RHBDD1: variants seen among roughly 807,000 people sequenced by gnomAD.
The protein encoded by RHBDD1 is rhomboid domain containing 1.
In RHBDD1, 38 loss-of-function variants were observed where a neutral mutation model predicts 36.3. The ratio of observed to expected loss-of-function variants is 1.05; its 90% CI spans 0.81 to 1.37. The LOEUF is 1.37. Ranked by LOEUF, RHBDD1 falls within the 40% of genes most tolerant of loss-of-function variation. The probability of loss-of-function intolerance (pLI) is 0.00; values close to 1 mark genes in which losing one functional copy is unlikely to be tolerated. For missense variants in RHBDD1, 393 were observed against 377.6 expected (o/e 1.04, Z -0.34); for synonymous variants, 151 against 136.5 (o/e 1.11, Z -0.74).
At chr2:226,850,310 G>A (rs576772514) in intron 3 of RHBDD1, among the ~76,000 whole-genome samples, 7 of 152,304 alleles carry the variant, frequency 4.6e-5, no homozygotes, top group South Asian at 2.1e-4. Flanking sequence ...GAAACCAGTC[G>A]TAGGAGAGTA....
At chr2:226,914,516 A>T (rs950494017) in intron 8 of RHBDD1, 165 bp downstream of exon 8, 1 of 704,338 alleles carries the variant, frequency 1.4e-6, no homozygotes, top group South Asian at 2.3e-5. Flanking sequence ...GTGTGATGCC[A>T]TATTCCCAGC....
chr2:226,906,944 A>T (rs1191972741), intron 6 of RHBDD1, 63 bp downstream of exon 6: 1 of 1,539,274 alleles, frequency 6.5e-7, no homozygotes, highest in African/African-American at 1.4e-5. Flanking sequence ...TTTAATGTGA[A>T]CAGAAGCAAC....
At chr2:226,836,376 G>A (rs1013947451) in intron 1 of RHBDD1, among the ~76,000 whole-genome samples, 2 of 152,256 alleles carry the variant, frequency 1.3e-5, no homozygotes, top group African/African-American at 4.8e-5. Flanking sequence ...GCCCACACTC[G>A]GAGGAAGGGG....
intron 8 of RHBDD1, among the ~76,000 whole-genome samples, chr2:226,972,599 G>A (rs918246316): frequency 9.2e-5 from 14 of 152,176 alleles, no homozygotes; most frequent in African/African-American, 3.4e-4. Context: ...CGGAGCTTCT[G>A]GGTCAAGGCA....
At chr2:226,896,507 C>G (rs1947106617) in intron 5 of RHBDD1, among the ~76,000 whole-genome samples, 1 of 152,186 alleles carries the variant, frequency 6.6e-6, no homozygotes, top group African/African-American at 2.4e-5. Flanking sequence ...TCCACTGCCA[C>G]CACCTCCTTC....
rs546716189 is a variant in RHBDD1 at position 226,896,591 on chromosome 2, C to T, written c.567-10202C>T. ...CTTCTGCTTAATTTGGCCATTCTTACTTCTCTAGGGTCTGTTCTCTCAGCA... is the reference window on the plus strand; with the variant it reads ...CTTCTGCTTAATTTGGCCATTCTTATTTCTCTAGGGTCTGTTCTCTCAGCA... On this transcript the variant is annotated intron_variant, in intron 5 of 8. Coordinates refer to ENST00000392062, the MANE Select transcript of RHBDD1 (RefSeq NM_001167608.3). Among the ~76,000 whole-genome samples, 273 of 152,290 alleles carry T rather than the reference C, an allele frequency of 1.8e-3. 1 individual carries two copies. Among genetic ancestry groups the T allele is most frequent in the Middle Eastern group, 0.01 (3 of 294 alleles).
At chr2:226,991,410 G>C (rs948136625) in intron 8 of RHBDD1, among the ~76,000 whole-genome samples, 1 of 152,178 alleles carries the variant, frequency 6.6e-6, no homozygotes, top group African/African-American at 2.4e-5. Context: ...TCAATCTCCT[G>C]ACCTCGTGAA....
the RHBDD1 span, among the ~76,000 whole-genome samples, chr2:226,809,851 C>A: frequency 6.6e-6 from 1 of 151,998 alleles, no homozygotes; most frequent in East Asian, 1.9e-4. Flanking sequence ...TAATTTACTG[C>A]AAAAGACAAA....
At chr2:226,829,754 T>C in the RHBDD1 span, among the ~76,000 whole-genome samples, 2 of 152,014 alleles carry the variant, frequency 1.3e-5, no homozygotes, top group Non-Finnish European at 2.9e-5. Context: ...TGCGTGTGTA[T>C]GTATGTGTGT....
chr2:226,897,770 A>T (rs1575005921), intron 5 of RHBDD1, among the ~76,000 whole-genome samples: 1 of 152,264 alleles, frequency 6.6e-6, no homozygotes, highest in Middle Eastern at 3.4e-3. Context: ...CAGGAGTTCG[A>T]GACCAGCCTG....
intron 8 of RHBDD1, among the ~76,000 whole-genome samples, chr2:226,957,100 C>A (rs886374019): frequency 1.3e-5 from 2 of 152,180 alleles, no homozygotes; most frequent in African/African-American, 4.8e-5. Context: ...TGATACTGCC[C>A]ATGGGGGCAG....
intron 8 of RHBDD1, among the ~76,000 whole-genome samples, chr2:226,919,836 A>G (rs1162947802): frequency 2.6e-5 from 4 of 151,926 alleles, no homozygotes; most frequent in Non-Finnish European, 5.9e-5. Flanking sequence ...AAATATTACA[A>G]TTACTTTTTC....
At chr2:226,835,646 G>A (rs2124881219), upstream of RHBDD1, 1 of 152,518 alleles carries the variant, frequency 6.6e-6, no homozygotes, top group East Asian at 1.9e-4. Context: ...AGAGAACCTG[G>A]GCAGAGGCGT....
intron 5 of RHBDD1, among the ~76,000 whole-genome samples, chr2:226,890,970 CT>C (rs1358223395): frequency 6.6e-6 from 1 of 152,132 alleles, no homozygotes; most frequent in Non-Finnish European, 1.5e-5. Context: ...GATTCTGTTT[CT>C]CCCTCCTGGC....
At chr2:226,954,631 C>T (rs1575232641) in intron 8 of RHBDD1, among the ~76,000 whole-genome samples, 4 of 151,824 alleles carry the variant, frequency 2.6e-5, no homozygotes, top group East Asian at 3.9e-4. Context: ...GAGAAAGAGA[C>T]GGGAGAGAGG....
the RHBDD1 span, among the ~76,000 whole-genome samples, chr2:226,829,576 A>T: frequency 0.91 from 138,625 of 152,230 alleles, 63,668 homozygotes; most frequent in African/African-American, 0.98. Context: ...TATTAATTTG[A>T]TTCTAATATT....
chr2:226,923,049 T>C (rs921540860), intron 8 of RHBDD1, among the ~76,000 whole-genome samples: 2 of 152,228 alleles, frequency 1.3e-5, no homozygotes, highest in Non-Finnish European at 2.9e-5. Flanking sequence ...AAGATATGAA[T>C]AGTTTACACA....
At chr2:226,871,949 A>G (rs1944831732) in intron 5 of RHBDD1, among the ~76,000 whole-genome samples, 1 of 152,240 alleles carries the variant, frequency 6.6e-6, no homozygotes, top group Non-Finnish European at 1.5e-5. Flanking sequence ...CTTGGACATC[A>G]TGCGGATAAC....
At chr2:226,926,223 TA>T (rs35951338) in intron 8 of RHBDD1, among the ~76,000 whole-genome samples, 65,255 of 126,668 alleles carry the variant, frequency 0.52, 14,358 homozygotes, top group African/African-American at 0.59. Context: ...ACTAAGTAAA[TA>T]AAAAAAAAAA....
Sources: allele counts gnomAD v4.1 joint callset (sites outside exome capture counted in the v4.1 genomes callset), GRCh38; gene constraint gnomAD v4.1.1; transcripts MANE v1.5; gene names NCBI Gene and HGNC (gene_info 2026-07-23, HGNC 2026-07-21).